PHACTR3: variants seen among roughly 807,000 people sequenced by gnomAD.
The protein encoded by PHACTR3 is phosphatase and actin regulator 3.
In PHACTR3, 16 loss-of-function variants were observed where a neutral mutation model predicts 66.8. That is an observed-to-expected ratio of 0.24 (90% CI 0.16 to 0.36). PHACTR3 has a LOEUF of 0.36. Ranked by LOEUF, PHACTR3 falls within the 10% of genes least tolerant of loss-of-function variation. The pLI, the probability that PHACTR3 is intolerant of heterozygous loss-of-function variation, is 1.00. For synonymous variants in PHACTR3, 323 were observed against 292.1 expected (o/e 1.11, Z -1.08); for missense variants, 647 against 719.9 (o/e 0.90, Z 1.16).
intron 1 of PHACTR3, among the ~76,000 whole-genome samples, chr20:59,729,593 C>T (rs1020821949): frequency 6.6e-6 from 1 of 152,140 alleles, no homozygotes; most frequent in Non-Finnish European, 1.5e-5. Context: ...CCTCAACAGC[C>T]ATGGGTGACC....
rs2039038803 is a variant in PHACTR3, at chr20:59,738,642, CTG to C, written c.119-4463_119-4462del. 6.6e-6 allele frequency among the ~76,000 whole-genome samples: 1 copy of C among 152,136 alleles called. No homozygotes were observed. The highest frequency in any genetic ancestry group is 2.4e-5 in the African/African-American group (1 of 41,464). Reference sequence around the variant, plus strand: ...CCCTCCTCTGGAGCCCGTGTGGTGTCTGTCGTGGGGACCCACCTAACTCCTTG... The same window carrying C: ...CCCTCCTCTGGAGCCCGTGTGGTGTCTCGTGGGGACCCACCTAACTCCTTG... On this transcript the variant is annotated intron_variant, in intron 1 of 12. Coordinates refer to ENST00000371015, the MANE Select transcript of PHACTR3 (RefSeq NM_080672.5). This position sits in a 1 kb window ranked among gnomAD's most constrained non-coding sequence, Gnocchi z 4.4.
chr20:59,683,583 C>G, intron 1 of PHACTR3, among the ~76,000 whole-genome samples: 1 of 150,888 alleles, frequency 6.6e-6, no homozygotes, highest in East Asian at 1.9e-4. Flanking sequence ...TAAAAGGTAA[C>G]CATAAAATAA....
chr20:59,616,676 T>C (rs2034036764), intron 1 of PHACTR3, among the ~76,000 whole-genome samples: 1 of 152,206 alleles, frequency 6.6e-6, no homozygotes, highest in South Asian at 2.1e-4. Flanking sequence ...CACCAGCCCC[T>C]GGGTTCCTTA....
intron 1 of PHACTR3, among the ~76,000 whole-genome samples, chr20:59,586,633 G>C (rs1328820008): frequency 6.6e-6 from 1 of 152,156 alleles, no homozygotes; most frequent in Non-Finnish European, 1.5e-5. Context: ...GTGGTCACGG[G>C]TGAAAGTGCA....
At chr20:59,662,846 G>T (rs1318619159) in intron 1 of PHACTR3, among the ~76,000 whole-genome samples, 1 of 152,176 alleles carries the variant, frequency 6.6e-6, no homozygotes, top group Non-Finnish European at 1.5e-5. Flanking sequence ...ATGCCACATG[G>T]TGACGGACTT....
intron 11 of PHACTR3, among the ~76,000 whole-genome samples, chr20:59,841,821 A>G (rs1179860825): frequency 6.6e-6 from 1 of 152,144 alleles, no homozygotes; most frequent in Non-Finnish European, 1.5e-5. Flanking sequence ...GACACTGCTC[A>G]GCATCTCACA....
chr20:59,663,846 G>A (rs1014226854), intron 1 of PHACTR3, among the ~76,000 whole-genome samples: 1 of 152,228 alleles, frequency 6.6e-6, no homozygotes, highest in Non-Finnish European at 1.5e-5. Flanking sequence ...TAGCATGGTT[G>A]CACGTGCTTG....
chr20:59,847,234 G>A lies in PHACTR3; in HGVS notation c.*104G>A, dbSNP rs1393328917. The A allele has an allele frequency of 1.5e-5, 12 of 805,356 alleles. No individual in the cohort carries two copies. In the East Asian group the frequency reaches 2.7e-4, roughly 18 times the overall value. The allele number at this position is 805,356 out of a possible 1,614,324, so 49.9% of individuals were successfully genotyped here. ...TCAGCTCAAGACTACCCTACCTGCT[G>A]TGTTTGTGAGAAGAGTAGGATCACA... is the stretch of plus-strand genomic sequence containing the variant. On this transcript the variant is annotated 3_prime_UTR_variant, in exon 13 of 13. Transcript: ENST00000371015.
chr20:59,622,233 G>T (rs1283295630), intron 1 of PHACTR3, among the ~76,000 whole-genome samples: 2 of 151,652 alleles, frequency 1.3e-5, no homozygotes, highest in Non-Finnish European at 2.9e-5. Flanking sequence ...CATCCCTCCT[G>T]CAGGGAGCTG....
At chr20:59,841,365 ATACT>A (rs749025986) in intron 10 of PHACTR3, 26 bp from the exon 11 acceptor site, 7 of 1,595,322 alleles carry the variant, frequency 4.4e-6, no homozygotes, top group African/African-American at 1.3e-5. Context: ...TTGGCATGTG[ATACT>A]TAACTATGAT....
At chr20:59,764,525 TGAG>T (rs1349273787) in intron 4 of PHACTR3, among the ~76,000 whole-genome samples, 1 of 152,150 alleles carries the variant, frequency 6.6e-6, no homozygotes, top group Non-Finnish European at 1.5e-5. Flanking sequence ...ATTGTACAGA[TGAG>T]GAGACTGAGA....
chr20:59,790,827 A>G (rs1324187629), intron 7 of PHACTR3, among the ~76,000 whole-genome samples: 2 of 152,310 alleles, frequency 1.3e-5, no homozygotes, highest in East Asian at 3.9e-4. Flanking sequence ...AGATGTGGGC[A>G]GAGAAAGGAA....
At chr20:59,668,922 A>G (rs1026414212) in intron 1 of PHACTR3, among the ~76,000 whole-genome samples, 2 of 106,620 alleles carry the variant, frequency 1.9e-5, no homozygotes, top group Non-Finnish European at 3.9e-5. Context: ...TTTATTTTGT[A>G]TTTTTAGTAG....
rs1048249640 is a variant in PHACTR3 at position 59,743,373 on chromosome 20, A to G, written c.280+105A>G. On this transcript the variant is annotated intron_variant, in intron 2 of 12. Coordinates refer to ENST00000371015, the MANE Select transcript of PHACTR3 (RefSeq NM_080672.5). ...TGTGACTTCCTGGCCCCTACACAGGAGGGGCAGATGTGCTTCATGGCCTGT... is the reference window on the plus strand; with the variant it reads ...TGTGACTTCCTGGCCCCTACACAGGGGGGGCAGATGTGCTTCATGGCCTGT... 1.3e-5 allele frequency: 19 copies of G among 1,418,834 alleles called. No individual in the cohort carries two copies. The African/African-American group carries it at 2.6e-4, about 19-fold the overall frequency. The allele number at this position is 1,418,834 out of a possible 1,614,324, so 87.9% of individuals were successfully genotyped here. A position where few individuals can be genotyped will look rare whatever the true frequency, so the allele number is the denominator to read the frequency against.
chr20:59,589,431 T>A (rs2033127526), intron 1 of PHACTR3, among the ~76,000 whole-genome samples: 2 of 152,222 alleles, frequency 1.3e-5, no homozygotes, highest in African/African-American at 4.8e-5. Context: ...TACAGGTTGA[T>A]TCTTGGGATC....
chr20:59,780,506 A>G (rs6100581), intron 7 of PHACTR3, among the ~76,000 whole-genome samples: 53,390 of 152,026 alleles, frequency 0.35, 10,972 homozygotes, highest in East Asian at 0.67. Context: ...AGAGCTCTCT[A>G]AGGCCCCTTT....
At chr20:59,720,116 C>T (rs1325618065) in intron 1 of PHACTR3, among the ~76,000 whole-genome samples, 1 of 152,116 alleles carries the variant, frequency 6.6e-6, no homozygotes, top group South Asian at 2.1e-4. Context: ...GAGGAAGGGG[C>T]ACCGTGACCA....
At chr20:59,674,869 C>A (rs569426467) in intron 1 of PHACTR3, among the ~76,000 whole-genome samples, 2 of 103,292 alleles carry the variant, frequency 1.9e-5, no homozygotes, top group Non-Finnish European at 3.8e-5. Context: ...TGCCCCTTCT[C>A]CTGTCCCCCG....
chr20:59,672,993 A>C (rs2036245699), intron 1 of PHACTR3, among the ~76,000 whole-genome samples: 1 of 152,184 alleles, frequency 6.6e-6, no homozygotes, highest in Non-Finnish European at 1.5e-5. Flanking sequence ...CAGAGCCCAG[A>C]GGAGTTGCCT....
Sources: gnomAD v4.1 joint callset for allele counts (sites outside exome capture counted in the v4.1 genomes callset) on GRCh38, gnomAD v4.1.1 for gene constraint, Gnocchi (gnomAD v3.1) non-coding constraint, MANE v1.5 for transcripts, NCBI Gene and HGNC (gene_info 2026-07-23, HGNC 2026-07-21) for gene names.